DIP2C: variants seen among roughly 807,000 people sequenced by gnomAD.
DIP2C encodes disco-interacting protein 2 homolog C.
In DIP2C, 33 loss-of-function variants were observed where a neutral mutation model predicts 192.4. The ratio of observed to expected loss-of-function variants is 0.17; its 90% CI spans 0.13 to 0.23. The LOEUF is 0.23. DIP2C is among the 10% of genes least tolerant of loss of function. DIP2C has a pLI of 1.00. For missense variants in DIP2C, 1,537 were observed against 2,110.1 expected (o/e 0.73, Z 5.32); for synonymous variants, 979 against 864.1 (o/e 1.13, Z -2.33).
chr10:673,237 T>TAA (rs1830731994), intron 1 of DIP2C, among the ~76,000 whole-genome samples: 4 of 152,312 alleles, frequency 2.6e-5, no homozygotes, highest in Admixed American at 2.6e-4. Flanking sequence ...CCACGTGGTC[T>TAA]ATACTTGAAT....
Position 666,248 on chromosome 10 carries a change from G to A in DIP2C, c.85+23246C>T, listed in dbSNP as rs998894733. The stretch of plus-strand genomic sequence containing the variant: ...ACCGGGAAAGCGAGAAGAAAGCAAA[G>A]GGCATCACTCCCTACCCACGAAAGA... On this transcript the variant is annotated intron_variant, in intron 1 of 36. Transcript: ENST00000280886. The surrounding 1 kb of genome is among the most constrained non-coding windows in gnomAD (Gnocchi z 4.1). The A allele has an allele frequency of 1.3e-5, 2 of 152,222 alleles. No individual in the cohort carries two copies. Among genetic ancestry groups the A allele is most frequent in the African/African-American group, 2.4e-5 (1 of 41,442 alleles). 9.4% of individuals were successfully genotyped at this position (152,222 alleles called of 1,614,324 possible).
In DIP2C at chr10:434,225, C is replaced by T. The variant is rs534724516; in HGVS notation, c.394+6646G>A. 5.9e-5 allele frequency among the ~76,000 whole-genome samples: 9 copies of T among 152,284 alleles called. No homozygotes were observed. The South Asian group carries it at 1.0e-3, about 18-fold the overall frequency. ...TGTCGCTATTATGAATGAACTGTTA[C>T]ATTAAATCTATTAAGAAAAATAAAA... On this transcript the variant is annotated intron_variant, in intron 4 of 36. Transcript: ENST00000280886.
At chr10:299,820 A>G (rs1955932578) in intron 32 of DIP2C, among the ~76,000 whole-genome samples, 1 of 152,134 alleles carries the variant, frequency 6.6e-6, no homozygotes, top group South Asian at 2.1e-4. Flanking sequence ...TGCAAACCAA[A>G]CAAAGAAACC....
At chr10:571,095 C>T (rs1849770104) in intron 1 of DIP2C, among the ~76,000 whole-genome samples, 1 of 152,202 alleles carries the variant, frequency 6.6e-6, no homozygotes, top group Admixed American at 6.5e-5. Context: ...TGAAGCTGGC[C>T]GACTGCTCTG....
chr10:422,481 A>C (rs1035942829), intron 5 of DIP2C, among the ~76,000 whole-genome samples: 2 of 152,172 alleles, frequency 1.3e-5, no homozygotes, highest in African/African-American at 4.8e-5. Context: ...TCGTTTCCTT[A>C]AATGACTCCC....
chr10:664,736 T>C (rs1463806277), intron 1 of DIP2C: 1 of 152,216 alleles, frequency 6.6e-6, no homozygotes, highest in Non-Finnish European at 1.5e-5. Flanking sequence ...TTTTGATATT[T>C]TAAAATGTTA....
intron 9 of DIP2C, among the ~76,000 whole-genome samples, chr10:405,422 A>C (rs1964732130): frequency 6.6e-6 from 1 of 152,280 alleles, no homozygotes; most frequent in South Asian, 2.1e-4. Flanking sequence ...ATTGTACATT[A>C]TTGTACACAC....
chr10:379,186 G>GCCC (rs1229353497), intron 17 of DIP2C, among the ~76,000 whole-genome samples: 3 of 9,122 alleles, frequency 3.3e-4, no homozygotes, highest in Non-Finnish European at 4.4e-4. Context: ...CGAGTGCCAC[G>GCCC]CCCCCCCCCC....
chr10:607,536 A>G (rs1351616889), intron 1 of DIP2C, among the ~76,000 whole-genome samples: 3 of 152,188 alleles, frequency 2.0e-5, no homozygotes, highest in Admixed American at 6.5e-5. Context: ...TCCCTGACTT[A>G]CCACGTGGCT....
intron 1 of DIP2C, chr10:664,792 T>C (rs1856985840): frequency 6.6e-6 from 1 of 152,126 alleles, no homozygotes; most frequent in Non-Finnish European, 1.5e-5. Context: ...TCTACAAATA[T>C]ATAGGGAATT....
At chr10:295,381 G>A (rs1955700119) in intron 32 of DIP2C, among the ~76,000 whole-genome samples, 1 of 151,714 alleles carries the variant, frequency 6.6e-6, no homozygotes, top group African/African-American at 2.4e-5. Flanking sequence ...CTAACACAGT[G>A]AAACCCCGTC....
chr10:407,181 G>A (rs955826558), intron 9 of DIP2C, among the ~76,000 whole-genome samples: 4 of 152,226 alleles, frequency 2.6e-5, no homozygotes, highest in African/African-American at 7.2e-5. Flanking sequence ...CAGGCAGCGG[G>A]CAAGGTGAAC....
At chr10:366,142 A>G in intron 19 of DIP2C, 133 bp downstream of exon 19, 1 of 1,286,134 alleles carries the variant, frequency 7.8e-7, no homozygotes. Context: ...GTAAAGTGCC[A>G]TCGTTTTCAT....
intron 22 of DIP2C, among the ~76,000 whole-genome samples, chr10:358,172 G>A (rs1439254834): frequency 6.6e-6 from 1 of 152,098 alleles, no homozygotes; most frequent in Non-Finnish European, 1.5e-5. Flanking sequence ...GCTCCCTGGA[G>A]GCCCTCCAAG....
At chr10:355,305 C>T (rs1382865944) in intron 24 of DIP2C, among the ~76,000 whole-genome samples, 4 of 152,208 alleles carry the variant, frequency 2.6e-5, no homozygotes, top group Non-Finnish European at 5.9e-5. Context: ...GCTTCTCTGG[C>T]AGAGGAGGAG....
intron 1 of DIP2C, chr10:650,702 C>A: frequency 1.6e-6 from 1 of 623,654 alleles, no homozygotes; most frequent in Non-Finnish European, 2.9e-6. Flanking sequence ...GCCCAGATGG[C>A]TTCTGGCCAG....
At chr10:338,942 C>T (rs1487711791) in intron 29 of DIP2C, among the ~76,000 whole-genome samples, 1 of 150,448 alleles carries the variant, frequency 6.6e-6, no homozygotes, top group Non-Finnish European at 1.5e-5. Flanking sequence ...CTGCCTGGCT[C>T]CCACAATGCA....
At chr10:488,778 G>T (rs1844209102) in intron 1 of DIP2C, among the ~76,000 whole-genome samples, 1 of 152,180 alleles carries the variant, frequency 6.6e-6, no homozygotes, top group East Asian at 1.9e-4. Context: ...GACTGTTCAT[G>T]GTTTATTTGT....
At chr10:608,023 T>A (rs966930338) in intron 1 of DIP2C, among the ~76,000 whole-genome samples, 3 of 151,538 alleles carry the variant, frequency 2.0e-5, no homozygotes, top group Non-Finnish European at 4.4e-5. Context: ...TCAAGTCATA[T>A]GACTTCTCCA....
Sources: allele counts gnomAD v4.1 joint callset (sites outside exome capture counted in the v4.1 genomes callset), GRCh38; gene constraint gnomAD v4.1.1; non-coding constraint Gnocchi (gnomAD v3.1); transcripts MANE v1.5; gene names NCBI Gene and HGNC (gene_info 2026-07-23, HGNC 2026-07-21).